B3GALT9: variants seen among roughly 807,000 people sequenced by gnomAD.
B3GALT9 encodes UDP-GlcNAc:betaGal beta-1,3-N-acetylglucosaminyltransferase 10 (putative).
At chr9:120,795,420 C>G (rs1003181013) in intron 1 of B3GALT9, among the ~76,000 whole-genome samples, 3 of 152,112 alleles carry the variant, frequency 2.0e-5, no homozygotes, top group African/African-American at 7.2e-5. Context: ...AGAGGGGATC[C>G]AGGAGCAAAA....
intron 1 of B3GALT9, among the ~76,000 whole-genome samples, chr9:120,794,729 C>G (rs971227307): frequency 4.6e-5 from 7 of 152,108 alleles, no homozygotes; most frequent in African/African-American, 1.7e-4. Flanking sequence ...TGCATACACG[C>G]ACATTCACAT....
rs976701278 is a variant in B3GALT9, at chr9:120,801,581, A to C, written c.*1903A>C. Among the ~76,000 whole-genome samples, 1 of 152,174 alleles carries C rather than the reference A, an allele frequency of 6.6e-6. No individual in the cohort carries two copies. The highest frequency in any genetic ancestry group is 1.5e-5 in the Non-Finnish European group (1 of 68,028). On this transcript the variant is annotated 3_prime_UTR_variant, in exon 3 of 3. Transcript: ENST00000689072. ...GGGTGAAACCCCGCCTCTACTAAAC[A>C]TACAAAAAATTAGCTGGACCCGGTG...
intron 2 of B3GALT9, among the ~76,000 whole-genome samples, chr9:120,797,904 G>A (rs1053271865): frequency 6.6e-6 from 1 of 152,156 alleles, no homozygotes; most frequent in Non-Finnish European, 1.5e-5. Flanking sequence ...CTTGGCCTAG[G>A]TCTATCTTAC....
chr9:120,799,909 CAAAAG>C lies in B3GALT9; in HGVS notation c.*233_*237del. 5.9e-6 allele frequency: 2 copies of C among 338,840 alleles called. No homozygotes were observed. The highest frequency in any genetic ancestry group is 4.2e-5 in the African/African-American group (2 of 47,326). 21.0% of individuals were successfully genotyped at this position (338,840 alleles called of 1,614,324 possible). A position where few individuals can be genotyped will look rare whatever the true frequency, so the allele number is the denominator to read the frequency against. On this transcript the variant is annotated 3_prime_UTR_variant, in exon 3 of 3. Transcript: ENST00000689072. ...TCTTTTCAAAATGAAATATTTCTCT[CAAAAG>C]AGAGAACATTATGTTTCATTGTTTA...
At chr9:120,797,531 T>A (rs1418267201) in intron 2 of B3GALT9, among the ~76,000 whole-genome samples, 1 of 151,946 alleles carries the variant, frequency 6.6e-6, no homozygotes, top group Non-Finnish European at 1.5e-5. Flanking sequence ...GAATGAGCTT[T>A]GGAATATGAC....
Position 120,799,912 on chromosome 9 carries a change from A to C in B3GALT9, c.*234A>C. 3.0e-6 allele frequency: 1 copy of C among 338,172 alleles called. No individual in the cohort carries two copies. Among genetic ancestry groups the C allele is most frequent in the Non-Finnish European group, 5.3e-6 (1 of 189,574 alleles). 20.9% of individuals were successfully genotyped at this position (338,172 alleles called of 1,614,324 possible). Reference sequence around the variant, plus strand: ...TTTCAAAATGAAATATTTCTCTCAAAAGAGAGAACATTATGTTTCATTGTT... The same window carrying C: ...TTTCAAAATGAAATATTTCTCTCAACAGAGAGAACATTATGTTTCATTGTT... On this transcript the variant is annotated 3_prime_UTR_variant, in exon 3 of 3. Transcript: ENST00000689072.
At position 120,796,629 on chromosome 9, in the gene B3GALT9, T is replaced by C. The variant is rs1300942708; in HGVS notation, c.6+20T>C. 2 of 152,232 alleles carry C rather than the reference T, an allele frequency of 1.3e-5. No homozygotes were observed. Among genetic ancestry groups the C allele is most frequent in the Non-Finnish European group, 2.9e-5 (2 of 68,040 alleles). 9.4% of individuals were successfully genotyped at this position (152,232 alleles called of 1,614,324 possible). ...ATGCAAGTAAGTTTCTTACAATCTT[T>C]AAAGCATTTGATATCTAGTAAAATA... On this transcript the variant is annotated intron_variant, in intron 2 of 2. Transcript: ENST00000689072.
rs2044968608 is a variant in B3GALT9 at position 120,801,414 on chromosome 9, A to G, written c.*1736A>G. 6.6e-6 allele frequency among the ~76,000 whole-genome samples: 1 copy of G among 152,088 alleles called. No homozygotes were observed. Among genetic ancestry groups the G allele is most frequent in the Non-Finnish European group, 1.5e-5 (1 of 68,024 alleles). On this transcript the variant is annotated 3_prime_UTR_variant, in exon 3 of 3. Transcript: ENST00000689072. ...CCATTTGTACTTCTTCTTTTGAGAA[A>G]TGTCTATTTAGGGCCTTTGGTCATT...
intron 2 of B3GALT9, among the ~76,000 whole-genome samples, chr9:120,797,664 A>T (rs1022655786): frequency 8.5e-5 from 13 of 152,230 alleles, no homozygotes; most frequent in African/African-American, 2.9e-4. Flanking sequence ...TCTGAAAGGG[A>T]TATTACCAGG....
At chr9:120,796,072 G>C (rs1245335961) in intron 1 of B3GALT9, among the ~76,000 whole-genome samples, 1 of 152,100 alleles carries the variant, frequency 6.6e-6, no homozygotes, top group African/African-American at 2.4e-5. Flanking sequence ...GTTTCTTTGG[G>C]AGAAAATAAT....
rs1198289963 is a variant in B3GALT9, at chr9:120,793,520, A to G, written c.-584A>G. 1.8e-5 allele frequency: 7 copies of G among 399,550 alleles called. No individual in the cohort carries two copies. Among genetic ancestry groups the G allele is most frequent in the Non-Finnish European group, 2.2e-5 (5 of 226,914 alleles). 24.8% of individuals were successfully genotyped at this position (399,550 alleles called of 1,614,324 possible). On this transcript the variant is annotated 5_prime_UTR_variant, in exon 1 of 3. Transcript: ENST00000689072. ...TGGTGGGAGGCTGGAGGCCGGGAGT[A>G]GGGGTGGGGAGAAGAGCGTCCCGGG...
intron 1 of B3GALT9, among the ~76,000 whole-genome samples, chr9:120,796,212 A>G (rs559122930): frequency 2.6e-5 from 4 of 152,332 alleles, no homozygotes; most frequent in African/African-American, 9.6e-5. Flanking sequence ...TATAGGATAT[A>G]TCTACTTGTG....
In B3GALT9 at chr9:120,798,781, T is replaced by G. The variant is rs2044953789; in HGVS notation, c.213T>G (p.Tyr71Ter). The change falls in exon 3 of 3, where the codon TAT becomes TAG. Residue 71 changes from tyrosine to a stop codon, truncating the protein, a stop_gained. Coordinates refer to ENST00000689072, the MANE Select transcript of B3GALT9 (RefSeq NM_001386823.1). LOFTEE classifies it high-confidence loss of function. ...TAAGAAGTAATCTCTCCAAATATTA[T>G]GTCCTGAGCCAGTCAGAAATATGTA... ...EPLRSNLSKY[Y>*]VLSQSEICKG... is the part of the protein sequence containing the mutation. 1.5e-5 allele frequency: 6 copies of G among 399,020 alleles called. No homozygotes were observed. The highest frequency in any genetic ancestry group is 4.4e-5 in the Admixed American group (1 of 22,718). 24.7% of individuals were successfully genotyped at this position (399,020 alleles called of 1,614,324 possible).
chr9:120,796,812 T>A (rs1181846620), intron 2 of B3GALT9, among the ~76,000 whole-genome samples: 2 of 152,178 alleles, frequency 1.3e-5, no homozygotes, highest in Non-Finnish European at 2.9e-5. Flanking sequence ...ATCTCAGCAC[T>A]TTGGGAGGCC....
chr9:120,798,038 C>A (rs1346993757), intron 2 of B3GALT9, among the ~76,000 whole-genome samples: 1 of 152,188 alleles, frequency 6.6e-6, no homozygotes, highest in African/African-American at 2.4e-5. Context: ...GAAAGTCATA[C>A]TAGAAGAATG....
chr9:120,798,838 C>A lies in B3GALT9; in HGVS notation c.270C>A (p.Ile90=). 2.5e-6 allele frequency: 1 copy of A among 399,140 alleles called. No individual in the cohort carries two copies. Among genetic ancestry groups the A allele is most frequent in the Admixed American group, 4.4e-5 (1 of 22,718 alleles). 24.7% of individuals were successfully genotyped at this position (399,140 alleles called of 1,614,324 possible). Residue 90 remains isoleucine, a synonymous_variant, in exon 3 of 3, where the codon ATC becomes ATA. Coordinates refer to ENST00000689072, the MANE Select transcript of B3GALT9 (RefSeq NM_001386823.1). The part of the protein sequence containing the change: ...KGKNIFLLSL[I]FSSPGNGTRR... ...AGAACATTTTTTTGCTGTCTCTTATCTTCAGTAGCCCAGGAAATGGAACAA... is the reference window on the plus strand; with the variant it reads ...AGAACATTTTTTTGCTGTCTCTTATATTCAGTAGCCCAGGAAATGGAACAA...
At position 120,800,116 on chromosome 9, in the gene B3GALT9, ATTTT is replaced by A. The variant is rs34598368; in HGVS notation, c.*452_*455del. 2.0e-4 allele frequency among the ~76,000 whole-genome samples: 25 copies of A among 122,896 alleles called. No homozygotes were observed. The highest frequency in any genetic ancestry group is 3.1e-4 in the Non-Finnish European group (18 of 58,318). The allele number at this position is 122,896 out of a possible 152,430, so 80.6% of individuals were successfully genotyped here. A position where few individuals can be genotyped will look rare whatever the true frequency, so the allele number is the denominator to read the frequency against. On this transcript the variant is annotated 3_prime_UTR_variant, in exon 3 of 3. Coordinates refer to ENST00000689072, the MANE Select transcript of B3GALT9 (RefSeq NM_001386823.1). ...AGGCATGTGCCACCATACCCGGCTA[ATTTT>A]TTTTTTTTTTTTTCGGAGACAGAGT...
In B3GALT9 at chr9:120,800,744, T is replaced by G. The variant is rs1194345944; in HGVS notation, c.*1066T>G. ...TGTAGTGAGAACACTTAAAATCTAC[T>G]CTACTAACAATTATCAGATATTGAT... On this transcript the variant is annotated 3_prime_UTR_variant, in exon 3 of 3. Coordinates refer to ENST00000689072, the MANE Select transcript of B3GALT9 (RefSeq NM_001386823.1). 4.6e-5 allele frequency among the ~76,000 whole-genome samples: 7 copies of G among 152,218 alleles called. No homozygotes were observed.
chr9:120,798,025 T>C (rs992811342), intron 2 of B3GALT9, among the ~76,000 whole-genome samples: 2 of 152,200 alleles, frequency 1.3e-5, no homozygotes, highest in Non-Finnish European at 2.9e-5. Flanking sequence ...TTAGATTAAA[T>C]TGGAAAGTCA....
Sources: allele counts gnomAD v4.1 joint callset (sites outside exome capture counted in the v4.1 genomes callset), GRCh38; gene constraint gnomAD v4.1.1; transcripts MANE v1.5; gene names NCBI Gene and HGNC (gene_info 2026-07-23, HGNC 2026-07-21).